Variants in RNF130 observed in about 807,000 individuals in gnomAD.
RNF130 encodes the protein E3 ubiquitin-protein ligase RNF130.
Under a neutral mutation model 44.6 loss-of-function variants are expected in RNF130, and 21 were observed. The ratio of observed to expected loss-of-function variants is 0.47; its 90% confidence interval spans 0.33 to 0.68. The LOEUF is 0.68. Among genes scored for constraint, RNF130 ranks in the 30% least tolerant of loss-of-function variants. The pLI is 0.02. For synonymous variants in RNF130, 214 were observed against 210.4 expected, an observed-to-expected ratio of 1.02 and a Z score of -0.15; for missense variants, 479 against 560.6, an observed-to-expected ratio of 0.85 and a Z score of 1.47.
intron 3 of RNF130, among the ~76,000 whole-genome samples, chr5:179,981,852 C>T (rs573781438): frequency 2.0e-5 from 3 of 152,290 alleles, no homozygotes; most frequent in South Asian, 4.1e-4. Flanking sequence ...CCTTCTGTCA[C>T]GCTGGTTTTA....
At chr5:180,049,180 T>G (rs1342563076) in intron 1 of RNF130, among the ~76,000 whole-genome samples, 9 of 152,104 alleles carry the variant, frequency 5.9e-5, no homozygotes, top group Non-Finnish European at 1.3e-4. Context: ...AAAGAAAGCT[T>G]CTTTGGTTTC....
chr5:179,938,114 G>A lies in RNF130; in HGVS notation c.1151-17688C>T, dbSNP rs559667858. On this transcript the variant is annotated intron_variant, in intron 7 of 7. Coordinates refer to the RNF130 transcript ENST00000522208. ...TGGGACTACAGGTACGCGGCACCAC[G>A]TCTGGCTAATTTTTGTATTTTTTTG... is the stretch of plus-strand genomic sequence containing the variant. 5.9e-5 allele frequency among the ~76,000 whole-genome samples: 9 copies of A among 152,060 alleles called. No homozygotes were observed. The East Asian group carries it at 9.7e-4, about 16-fold the overall frequency.
rs1320512842 is a variant in RNF130, at chr5:179,977,678, C to T, written c.848+525G>A. 6.6e-6 allele frequency among the ~76,000 whole-genome samples: 1 copy of T among 152,164 alleles called. No individual in the cohort carries two copies. The highest frequency in any genetic ancestry group is 2.1e-4 in the South Asian group (1 of 4,812). ...GACCAACTGGCCAACATGATGAAAC[C>T]CCGTCTCTACTAAAAATACAAAAAT... On this transcript the variant is annotated intron_variant, in intron 5 of 8. Coordinates refer to ENST00000521389, the MANE Select transcript of RNF130 (RefSeq NM_018434.6). This position sits in a 1 kb window ranked among gnomAD's most constrained non-coding sequence, Gnocchi z 4.1.
At chr5:180,055,453 C>CGTGT (rs1307591362) in intron 1 of RNF130, among the ~76,000 whole-genome samples, 5 of 91,862 alleles carry the variant, frequency 5.4e-5, no homozygotes, top group African/African-American at 2.0e-4. Flanking sequence ...TGTGTGTGTG[C>CGTGT]GTGTGTGTGT....
chr5:179,923,910 G>T (rs1465213430), intron 7 of RNF130, among the ~76,000 whole-genome samples: 1 of 152,178 alleles, frequency 6.6e-6, no homozygotes, highest in Non-Finnish European at 1.5e-5. Flanking sequence ...AACTTGATGG[G>T]CACGGAGGTT....
intron 5 of RNF130, among the ~76,000 whole-genome samples, chr5:179,975,977 A>T (rs550360083): frequency 8.1e-6 from 1 of 123,380 alleles, no homozygotes; most frequent in Non-Finnish European, 1.7e-5. Context: ...GATGCTTCTG[A>T]AAGCCTCCCA....
chr5:179,970,443 G>A lies in RNF130; in HGVS notation c.912C>T (p.Cys304=). 1 of 1,613,270 alleles carries A rather than the reference G, an allele frequency of 6.2e-7. No individual in the cohort carries two copies. Among genetic ancestry groups the A allele is most frequent in the Non-Finnish European group, 8.5e-7 (1 of 1,179,616 alleles). The part of the protein sequence containing the change: ...WLSEHCTCPM[C]KLNILKALGI... ...CCAGGGCCTTCAATATATTAAGTTTGCACATAGGACAGGTACAATGTTCAC... is the reference window on the plus strand; with the variant it reads ...CCAGGGCCTTCAATATATTAAGTTTACACATAGGACAGGTACAATGTTCAC... Residue 304 remains cysteine, a synonymous_variant, in exon 6 of 9, where the codon TGC becomes TGT. Transcript: ENST00000521389.
chr5:179,952,366 G>C (rs1762138653), downstream of RNF130, among the ~76,000 whole-genome samples: 4 of 152,238 alleles, frequency 2.6e-5, no homozygotes, highest in South Asian at 8.3e-4. Flanking sequence ...GAGATAATGA[G>C]TTGGTAATCA....
intron 3 of RNF130, among the ~76,000 whole-genome samples, chr5:179,997,162 G>A (rs1193986047): frequency 6.6e-6 from 1 of 152,080 alleles, no homozygotes; most frequent in East Asian, 1.9e-4. Flanking sequence ...TTCTTTTGGA[G>A]ACAGGGTCTT....
At chr5:179,920,450 G>T (rs1017124561) in intron 7 of RNF130, 1 of 700,614 alleles carries the variant, frequency 1.4e-6, no homozygotes, top group African/African-American at 1.7e-5. Context: ...AAGAGAAAGA[G>T]ACTTAATAGG....
chr5:179,940,138 C>T (rs535158748), intron 7 of RNF130: 25 of 157,364 alleles, frequency 1.6e-4, no homozygotes, highest in Admixed American at 2.6e-4. Context: ...TCATAGTGAC[C>T]GCTGTGCTTA....
intron 3 of RNF130, among the ~76,000 whole-genome samples, chr5:180,010,884 C>T (rs1183965764): frequency 1.3e-5 from 2 of 152,244 alleles, no homozygotes; most frequent in Middle Eastern, 3.4e-3. Flanking sequence ...CACACACATA[C>T]ACAAATAAGT....
At chr5:179,999,703 C>A (rs1472464174) in intron 3 of RNF130, among the ~76,000 whole-genome samples, 2 of 151,810 alleles carry the variant, frequency 1.3e-5, no homozygotes, top group Admixed American at 1.3e-4. Context: ...GGCGAGCAAG[C>A]GAGACTCCGT....
intron 2 of RNF130, among the ~76,000 whole-genome samples, chr5:180,022,021 T>C (rs1002911046): frequency 2.6e-5 from 4 of 152,224 alleles, no homozygotes; most frequent in African/African-American, 9.6e-5. Context: ...AGTTGATCTG[T>C]CGAAGGTATT....
At chr5:179,933,527 C>CT (rs765853991) in intron 7 of RNF130, among the ~76,000 whole-genome samples, 2,737 of 142,352 alleles carry the variant, frequency 0.019, 73 homozygotes, top group African/African-American at 0.064. Context: ...TAATTTAAAA[C>CT]TTTTTTTTTT....
intron 3 of RNF130, among the ~76,000 whole-genome samples, chr5:180,004,613 T>G (rs1168404624): frequency 6.6e-6 from 1 of 152,194 alleles, no homozygotes; most frequent in African/African-American, 2.4e-5. Context: ...CATTCTATAT[T>G]TGAAAGCAAA....
At chr5:179,985,775 C>T (rs1762939664) in intron 3 of RNF130, among the ~76,000 whole-genome samples, 1 of 152,080 alleles carries the variant, frequency 6.6e-6, no homozygotes, top group African/African-American at 2.4e-5. Context: ...AAAACAAATG[C>T]CTGAAGTCTT....
chr5:180,062,313 GC>G (rs1470900536), intron 1 of RNF130, among the ~76,000 whole-genome samples: 1 of 151,890 alleles, frequency 6.6e-6, no homozygotes, highest in Non-Finnish European at 1.5e-5. Flanking sequence ...ACCTGCCTCT[GC>G]CTCCCAAAGT....
chr5:179,926,826 T>C (rs188712849), intron 7 of RNF130, among the ~76,000 whole-genome samples: 16 of 152,284 alleles, frequency 1.1e-4, no homozygotes, highest in Admixed American at 2.6e-4. Flanking sequence ...CTTGTGGGAC[T>C]GAGCCCTCAC....
Sources: gnomAD v4.1 joint callset for allele counts (sites outside exome capture counted in the v4.1 genomes callset) on GRCh38, gnomAD v4.1.1 for gene constraint, Gnocchi (gnomAD v3.1) non-coding constraint, MANE v1.5 for transcripts, NCBI Gene and HGNC (gene_info 2026-07-23, HGNC 2026-07-21) for gene names.